ZBTB20: variants seen among roughly 807,000 people sequenced by gnomAD.
ZBTB20 encodes the protein zinc finger and BTB domain containing 20.
ZBTB20 carries 9 observed loss-of-function variants against 56.9 expected under a neutral mutation model. The observed-to-expected ratio is 0.16, with a 90% CI of 0.10 to 0.28. ZBTB20 has a LOEUF of 0.28. Ranked by LOEUF, ZBTB20 falls within the 10% of genes least tolerant of loss-of-function variation. The pLI is 1.00. For synonymous variants in ZBTB20, 417 were observed against 420.7 expected (o/e 0.99, Z 0.11); for missense variants, 655 against 1,003.0 (o/e 0.65, Z 4.69).
At chr3:115,094,362 T>C (rs916895062) in intron 1 of ZBTB20, among the ~76,000 whole-genome samples, 9 of 152,012 alleles carry the variant, frequency 5.9e-5, no homozygotes, top group African/African-American at 2.2e-4. Context: ...TACAAAGTAT[T>C]TGCCTAGTCT....
intron 6 of ZBTB20, among the ~76,000 whole-genome samples, chr3:114,530,430 G>A (rs547182685): frequency 1.3e-5 from 2 of 152,302 alleles, no homozygotes; most frequent in African/African-American, 2.4e-5. Context: ...TAGCCTAGGT[G>A]TGTAGTAAGC....
chr3:114,606,596 C>A (rs1249142516), intron 6 of ZBTB20, among the ~76,000 whole-genome samples: 2 of 152,068 alleles, frequency 1.3e-5, no homozygotes, highest in African/African-American at 4.8e-5. Context: ...GCCACTGCCA[C>A]GTGTGTATTT....
chr3:114,643,216 G>A (rs1447542949), intron 6 of ZBTB20, among the ~76,000 whole-genome samples: 1 of 152,090 alleles, frequency 6.6e-6, no homozygotes, highest in African/African-American at 2.4e-5. Flanking sequence ...GAAAACATAT[G>A]GTTGGAACAT....
chr3:115,003,168 G>C (rs1270327571), intron 2 of ZBTB20, among the ~76,000 whole-genome samples: 1 of 151,624 alleles, frequency 6.6e-6, no homozygotes, highest in Non-Finnish European at 1.5e-5. Flanking sequence ...AACAGGTAGA[G>C]TACAGAGGAT....
chr3:114,491,592 T>C (rs1169133979), intron 7 of ZBTB20, among the ~76,000 whole-genome samples: 1 of 152,166 alleles, frequency 6.6e-6, no homozygotes, highest in Admixed American at 6.6e-5. Flanking sequence ...TCTCTCCACT[T>C]GTACTCAGGA....
rs1047190392 is a variant in ZBTB20, at chr3:114,852,347, T to TCCACCTC, written c.-417+47950_-417+47956dup. Among the ~76,000 whole-genome samples, 18 of 152,194 alleles carry TCCACCTC rather than the reference T, an allele frequency of 1.2e-4. 1 individual carries two copies. Among genetic ancestry groups the TCCACCTC allele is most frequent in the African/African-American group, 4.3e-4 (18 of 41,518 alleles). The stretch of plus-strand genomic sequence containing the variant: ...GGTACAATCTCGGCTCACTGCAACC[T>TCCACCTC]CCACCTCCCAGCTTCAAGTGATTCT... On this transcript the variant is annotated intron_variant, in intron 4 of 11. Coordinates refer to ENST00000675478, the MANE Select transcript of ZBTB20 (RefSeq NM_001348800.3).
chr3:114,409,239 A>G (rs1376375380), intron 7 of ZBTB20, among the ~76,000 whole-genome samples: 1 of 150,916 alleles, frequency 6.6e-6, no homozygotes, highest in Non-Finnish European at 1.5e-5. Context: ...CCAAGTGGAT[A>G]AGCATGAATA....
At chr3:114,406,895 T>C (rs1232788387) in intron 7 of ZBTB20, among the ~76,000 whole-genome samples, 1 of 152,226 alleles carries the variant, frequency 6.6e-6, no homozygotes, top group East Asian at 1.9e-4. Context: ...ATGTTTTTCA[T>C]AGAAAACTTT....
intron 8 of ZBTB20, among the ~76,000 whole-genome samples, chr3:114,384,126 CTCAT>C (rs1339961718): frequency 9.4e-5 from 14 of 148,352 alleles, no homozygotes; most frequent in South Asian, 2.1e-4. Context: ...CTCTCTCTCT[CTCAT>C]TCTCTCTCTC....
intron 6 of ZBTB20, among the ~76,000 whole-genome samples, chr3:114,639,038 C>T (rs993298961): frequency 9.2e-5 from 14 of 152,030 alleles, no homozygotes; most frequent in African/African-American, 3.4e-4. Flanking sequence ...CACCCCAATG[C>T]TACAGGCTCC....
intron 1 of ZBTB20, among the ~76,000 whole-genome samples, chr3:115,125,010 A>G (rs1459507773): frequency 6.6e-6 from 1 of 151,836 alleles, no homozygotes; most frequent in African/African-American, 2.4e-5. Context: ...CTGCACATGT[A>G]CCCCTGAACT....
chr3:115,053,773 T>TA (rs1203794803), intron 2 of ZBTB20, among the ~76,000 whole-genome samples: 8 of 152,140 alleles, frequency 5.3e-5, no homozygotes, highest in African/African-American at 1.7e-4. Flanking sequence ...GTCTGATACT[T>TA]AAATTCTGAA....
At chr3:114,439,211 G>T (rs1216984963) in intron 7 of ZBTB20, among the ~76,000 whole-genome samples, 1 of 151,936 alleles carries the variant, frequency 6.6e-6, no homozygotes, top group Non-Finnish European at 1.5e-5. Context: ...ACAAGCAGAA[G>T]TCACTAAAAA....
intron 1 of ZBTB20, among the ~76,000 whole-genome samples, chr3:115,094,959 C>T (rs961592698): frequency 6.6e-6 from 1 of 151,830 alleles, no homozygotes; most frequent in Non-Finnish European, 1.5e-5. Context: ...AACCTCATAC[C>T]ATAATTTTAT....
chr3:114,877,426 G>A (rs2076240575), intron 4 of ZBTB20, among the ~76,000 whole-genome samples: 1 of 152,178 alleles, frequency 6.6e-6, no homozygotes, highest in Admixed American at 6.5e-5. Flanking sequence ...ACATCATGGA[G>A]CCACTAAGCC....
intron 7 of ZBTB20, among the ~76,000 whole-genome samples, chr3:114,409,927 G>A (rs1258345341): frequency 6.6e-6 from 1 of 152,052 alleles, no homozygotes; most frequent in Non-Finnish European, 1.5e-5. Flanking sequence ...CTATATGTTG[G>A]GATTCATCAG....
At chr3:114,437,110 A>G (rs2090571021) in intron 7 of ZBTB20, among the ~76,000 whole-genome samples, 1 of 152,144 alleles carries the variant, frequency 6.6e-6, no homozygotes, top group Admixed American at 6.6e-5. Flanking sequence ...GGGAAGGTGA[A>G]GGAAGCAATC....
rs1229749890 is a variant in ZBTB20 at position 114,787,364 on chromosome 3, TATATAC to T, written c.-343+13731_-343+13736del. Among the ~76,000 whole-genome samples, 299 of 99,550 alleles carry T rather than the reference TATATAC, an allele frequency of 3.0e-3. 7 individuals carry two copies. Among genetic ancestry groups the T allele is most frequent in the African/African-American group, 0.015 (272 of 18,260 alleles). The allele number at this position is 99,550 out of a possible 152,430, so 65.3% of individuals were successfully genotyped here. ...ATATATATATATATATATATATATA[TATATAC>T]ACACACACACACACACACACACATA... On this transcript the variant is annotated intron_variant, in intron 5 of 11. Coordinates refer to ENST00000675478, the MANE Select transcript of ZBTB20 (RefSeq NM_001348800.3).
intron 6 of ZBTB20, among the ~76,000 whole-genome samples, chr3:114,597,272 C>T (rs554257051): frequency 1.3e-5 from 2 of 152,142 alleles, no homozygotes; most frequent in Non-Finnish European, 2.9e-5. Flanking sequence ...CCTCTCTTTT[C>T]CTGCCTTTCC....
Sources: allele counts gnomAD v4.1 joint callset (sites outside exome capture counted in the v4.1 genomes callset), GRCh38; gene constraint gnomAD v4.1.1; transcripts MANE v1.5; gene names NCBI Gene and HGNC (gene_info 2026-07-23, HGNC 2026-07-21).